Variants in SCHIP1 observed in about 807,000 individuals in gnomAD.
SCHIP1 encodes schwannomin interacting protein 1, also known as schwannomin-interacting protein 1.
Under a neutral mutation model 29.7 loss-of-function variants are expected in SCHIP1, and 8 were observed. That is an observed-to-expected ratio of 0.27 (90% CI 0.16 to 0.49). SCHIP1 has a LOEUF of 0.49. Ranked by LOEUF, SCHIP1 falls within the 20% of genes least tolerant of loss-of-function variation. The pLI, the probability that SCHIP1 is intolerant of heterozygous loss-of-function variation, is 0.99. For synonymous variants in SCHIP1, 76 were observed against 94.9 expected, an observed-to-expected ratio of 0.80 and a Z score of 1.16; for missense variants, 193 against 294.6, an observed-to-expected ratio of 0.66 and a Z score of 2.52.
the SCHIP1 span, among the ~76,000 whole-genome samples, chr3:159,341,271 G>T: frequency 6.6e-6 from 1 of 151,618 alleles, no homozygotes; most frequent in African/African-American, 2.4e-5. Context: ...GTCCTGGAAG[G>T]GTTTCTCTTA....
At chr3:159,421,303 T>C in the SCHIP1 span, among the ~76,000 whole-genome samples, 1 of 152,234 alleles carries the variant, frequency 6.6e-6, no homozygotes, top group East Asian at 1.9e-4. Flanking sequence ...TATTGCTGTA[T>C]CATGGAAGTC....
chr3:159,419,633 A>AC, the SCHIP1 span, among the ~76,000 whole-genome samples: 1 of 152,044 alleles, frequency 6.6e-6, no homozygotes, highest in Non-Finnish European at 1.5e-5. Context: ...ACATGGTGAA[A>AC]CCCCATCTCT....
chr3:159,303,820 C>T, the SCHIP1 span, among the ~76,000 whole-genome samples: 1 of 151,974 alleles, frequency 6.6e-6, no homozygotes, highest in African/African-American at 2.4e-5. Flanking sequence ...ATAAAGTATG[C>T]TATAATTTTG....
At chr3:159,286,033 TA>T in the SCHIP1 span, among the ~76,000 whole-genome samples, 1 of 152,218 alleles carries the variant, frequency 6.6e-6, no homozygotes, top group Non-Finnish European at 1.5e-5. Context: ...TAATTAGATT[TA>T]GTGTATATTT....
chr3:159,784,128 A>G, the SCHIP1 span, among the ~76,000 whole-genome samples: 166 of 152,298 alleles, frequency 1.1e-3, no homozygotes, highest in Admixed American at 3.2e-3. Flanking sequence ...AGCACGACCA[A>G]TGAATTGTAA....
the SCHIP1 span, among the ~76,000 whole-genome samples, chr3:159,615,216 C>T: frequency 6.6e-6 from 1 of 152,178 alleles, no homozygotes; most frequent in South Asian, 2.1e-4. Flanking sequence ...ACAAGGCATT[C>T]AGATCATGTT....
At chr3:159,540,164 T>C in the SCHIP1 span, among the ~76,000 whole-genome samples, 1 of 152,068 alleles carries the variant, frequency 6.6e-6, no homozygotes, top group Admixed American at 6.6e-5. Context: ...TTGCATTATA[T>C]CATATCCTTC....
chr3:159,684,320 C>T, the SCHIP1 span, among the ~76,000 whole-genome samples: 2 of 152,176 alleles, frequency 1.3e-5, no homozygotes, highest in Admixed American at 6.5e-5. Context: ...TTCAAAAACC[C>T]TAATAAGGGC....
the SCHIP1 span, among the ~76,000 whole-genome samples, chr3:159,415,251 G>A: frequency 1.3e-5 from 2 of 152,052 alleles, no homozygotes; most frequent in African/African-American, 4.8e-5. Context: ...CTGAGTGTCT[G>A]TATTATTCAC....
intron 1 of SCHIP1, among the ~76,000 whole-genome samples, chr3:159,848,598 A>AT (rs373063746): frequency 1.1e-3 from 163 of 150,146 alleles, no homozygotes; most frequent in African/African-American, 3.6e-3. Flanking sequence ...GCTGATAATG[A>AT]TTTTTTTTTT....
chr3:159,849,501 C>T (rs1712287720), intron 1 of SCHIP1, among the ~76,000 whole-genome samples: 2 of 152,144 alleles, frequency 1.3e-5, no homozygotes, highest in African/African-American at 4.8e-5. Flanking sequence ...TGTAGCTGAA[C>T]CCCAAGTGCA....
At chr3:159,416,175 A>G in the SCHIP1 span, among the ~76,000 whole-genome samples, 1 of 152,126 alleles carries the variant, frequency 6.6e-6, no homozygotes, top group African/African-American at 2.4e-5. Flanking sequence ...GGATCTTTGC[A>G]TCAGTGTGCC....
chr3:159,489,157 G>A, the SCHIP1 span, among the ~76,000 whole-genome samples: 2 of 152,072 alleles, frequency 1.3e-5, no homozygotes, highest in Non-Finnish European at 2.9e-5. Flanking sequence ...ATAGTTTTGT[G>A]TATCTTCTTT....
the SCHIP1 span, among the ~76,000 whole-genome samples, chr3:159,508,953 G>A: frequency 6.6e-6 from 1 of 152,178 alleles, no homozygotes. Context: ...TGTTGATTTG[G>A]GGTGGAGAGT....
At chr3:159,334,489 A>C in the SCHIP1 span, among the ~76,000 whole-genome samples, 1 of 152,174 alleles carries the variant, frequency 6.6e-6, no homozygotes, top group Non-Finnish European at 1.5e-5. Context: ...GAGTTTTGAC[A>C]CATGCATAGA....
At chr3:159,723,407 T>G in the SCHIP1 span, among the ~76,000 whole-genome samples, 4 of 152,178 alleles carry the variant, frequency 2.6e-5, no homozygotes, top group Admixed American at 6.5e-5. Flanking sequence ...TCTCCAGAAA[T>G]AGAAAAGTAT....
At chr3:159,356,297 CA>C in the SCHIP1 span, among the ~76,000 whole-genome samples, 8 of 152,144 alleles carry the variant, frequency 5.3e-5, no homozygotes, top group African/African-American at 1.9e-4. Flanking sequence ...CTATTTTAGG[CA>C]AGGAAAATAT....
chr3:159,887,819 A>G, exon 4 of SCHIP1: 2 of 1,614,062 alleles, frequency 1.2e-6, no homozygotes, highest in Non-Finnish European at 1.7e-6. Flanking sequence ...TGAAGCCAAA[A>G]TGGCCCTTGC....
the SCHIP1 span, among the ~76,000 whole-genome samples, chr3:159,409,764 T>C: frequency 5.9e-5 from 9 of 152,102 alleles, no homozygotes; most frequent in African/African-American, 2.2e-4. Context: ...TGACATTCTT[T>C]GCAGAAATAG....
Sources: allele counts gnomAD v4.1 joint callset (sites outside exome capture counted in the v4.1 genomes callset), GRCh38; gene constraint gnomAD v4.1.1; transcripts MANE v1.5; gene names NCBI Gene and HGNC (gene_info 2026-07-23, HGNC 2026-07-21).